The following AGXT variants were observed in gnomAD, a reference collection of about 807,000 sequenced individuals.
AGXT encodes alanine--glyoxylate aminotransferase, also known as L-alanine: glyoxylate aminotransferase 1.
Under a neutral mutation model 46.9 loss-of-function variants are expected in AGXT, and 41 were observed. The observed-to-expected ratio is 0.88, with a 90% CI of 0.68 to 1.14. The LOEUF (loss-of-function observed/expected upper bound fraction) is 1.14. AGXT is among the 50% of genes most tolerant of loss of function. The probability of loss-of-function intolerance (pLI) is 0.00; values close to 1 mark genes in which losing one functional copy is unlikely to be tolerated. For synonymous variants in AGXT, 244 were observed against 227.9 expected (o/e 1.07, Z -0.64); for missense variants, 525 against 522.7 (o/e 1.00, Z -0.04).
At position 240,878,924 on chromosome 2, in the gene AGXT, C is replaced by T; in HGVS notation, c.*103C>T. The T allele has an allele frequency of 8.0e-7, 1 of 1,251,628 alleles. No individual in the cohort carries two copies. The highest frequency in any genetic ancestry group is 1.3e-5 in the South Asian group (1 of 78,054). 77.5% of individuals were successfully genotyped at this position (1,251,628 alleles called of 1,614,324 possible). A position where few individuals can be genotyped will look rare whatever the true frequency, so the allele number is the denominator to read the frequency against. On this transcript the variant is annotated 3_prime_UTR_variant, in exon 11 of 11. Transcript: ENST00000307503. ...CTGCAAGGTCCTCCAGGCCTGGGGACAGGAAAGCCACTGACCCAGCCCGGG... is the reference window on the plus strand; with the variant it reads ...CTGCAAGGTCCTCCAGGCCTGGGGATAGGAAAGCCACTGACCCAGCCCGGG...
At chr2:240,875,866 C>A in intron 7 of AGXT, 69 bp from the exon 8 acceptor site, 1 of 1,492,664 alleles carries the variant, frequency 6.7e-7, no homozygotes, top group Non-Finnish European at 9.3e-7. Flanking sequence ...CTGGGGCAGA[C>A]AGAGCTAATG....
chr2:240,871,055 A>C, intron 3 of AGXT: 1 of 580,344 alleles, frequency 1.7e-6, no homozygotes, highest in Non-Finnish European at 3.1e-6. Flanking sequence ...GGCTGAAGTC[A>C]ACCTCAGCCT....
chr2:240,873,378 C>G (rs11691745), intron 5 of AGXT: 344,589 of 349,918 alleles, frequency 0.98, 169,729 homozygotes, highest in East Asian at 1. Context: ...AGGCGTTGGG[C>G]ACCCCTCTGC....
intron 3 of AGXT, 104 bp from the exon 4 acceptor site, chr2:240,871,245 C>A: frequency 1.0e-6 from 1 of 987,240 alleles, no homozygotes; most frequent in Non-Finnish European, 1.6e-6. Context: ...TAGAGGCAGG[C>A]CCAGCCCCTG....
intron 7 of AGXT, 102 bp downstream of exon 7, chr2:240,875,306 T>G: frequency 9.8e-7 from 1 of 1,022,840 alleles, no homozygotes; most frequent in Non-Finnish European, 1.5e-6. Flanking sequence ...GCCCCCCACC[T>G]TCATGCCTCA....
intron 8 of AGXT, among the ~76,000 whole-genome samples, chr2:240,876,430 T>C (rs2059025142): frequency 6.6e-6 from 1 of 152,154 alleles, no homozygotes; most frequent in African/African-American, 2.4e-5. Context: ...CACTTGGGTG[T>C]GACCAGGGGT....
intron 2 of AGXT, 135 bp from the exon 3 acceptor site, chr2:240,870,509 C>A: frequency 9.9e-7 from 1 of 1,010,756 alleles, no homozygotes; most frequent in Non-Finnish European, 1.5e-6. Context: ...CCCTCCTCTT[C>A]AGGCAGGCAG....
At position 240,868,981 on chromosome 2, in the gene AGXT, C is replaced by A. The variant is rs1305673661; in HGVS notation, c.116C>A (p.Ala39Glu). 1 of 1,549,662 alleles carries A rather than the reference C, an allele frequency of 6.5e-7. No homozygotes were observed. Among genetic ancestry groups the A allele is most frequent in the Non-Finnish European group, 8.8e-7 (1 of 1,141,864 alleles). The change falls in exon 1 of 11, where the codon GCA (alanine) becomes GAA (glutamate). Residue 39 changes from alanine to glutamate, a missense_variant. Physicochemically the swap from Ala to Glu is moderately radical, Grantham distance 107. Transcript: ENST00000307503. ...TCCAACCTGCCTCCTCGCATCATGG[C>A]AGCCGGGGGGCTGCAGATGATCGGG... ...GPSNLPPRIM[A>E]AGGLQMIGSM...
At chr2:240,872,919 G>A (rs2058999699) in intron 4 of AGXT, 60 bp from the exon 5 acceptor site, 1 of 1,446,070 alleles carries the variant, frequency 6.9e-7, no homozygotes, top group Non-Finnish European at 9.7e-7. Context: ...CCTGGGGCCA[G>A]GCCCTCCAGT....
At chr2:240,874,835 G>T (rs1432777396) in intron 6 of AGXT, among the ~76,000 whole-genome samples, 1 of 152,236 alleles carries the variant, frequency 6.6e-6, no homozygotes. Flanking sequence ...AGGGGCTGGG[G>T]GAGAGAAAGG....
chr2:240,877,292 C>A, intron 8 of AGXT: 1 of 675,430 alleles, frequency 1.5e-6, no homozygotes, highest in Non-Finnish European at 2.7e-6. Flanking sequence ...TCTTCTCCCC[C>A]AGGGGCCACA....
intron 5 of AGXT, 30 bp from the exon 6 acceptor site, chr2:240,873,948 A>ACCCGT: frequency 6.2e-7 from 1 of 1,604,734 alleles, no homozygotes; most frequent in Non-Finnish European, 8.5e-7. Context: ...GGTGGGACTC[A>ACCCGT]CCCGTCCCGA....
At chr2:240,874,603 C>T (rs1471157858) in intron 6 of AGXT, among the ~76,000 whole-genome samples, 2 of 152,156 alleles carry the variant, frequency 1.3e-5, no homozygotes, top group South Asian at 2.1e-4. Flanking sequence ...GTCAGGAATT[C>T]GGTGTTGGAC....
Position 240,875,131 on chromosome 2 carries a change from A to T in AGXT, c.703A>T (p.Thr235Ser). Residue 235 changes from threonine to serine, a missense_variant, in exon 7 of 11, where the codon ACG becomes TCG. Thr to Ser is a moderately conservative substitution (Grantham distance 58). Coordinates refer to ENST00000307503, the MANE Select transcript of AGXT (RefSeq NM_000030.3). The part of the protein sequence containing the change: ...KAKKKMYSRK[T>S]KPFSFYLDIK... ...CAGAAAGAAGATGTACTCCCGCAAGACGAAGCCCTTCTCCTTCTACCTGGA... is the reference window on the plus strand; with the variant it reads ...CAGAAAGAAGATGTACTCCCGCAAGTCGAAGCCCTTCTCCTTCTACCTGGA... The T allele has an allele frequency of 6.2e-7, 1 of 1,613,644 alleles. No homozygotes were observed. Among genetic ancestry groups the T allele is most frequent in the Non-Finnish European group, 8.5e-7 (1 of 1,179,562 alleles).
In AGXT at chr2:240,874,016, A is replaced by C; in HGVS notation, c.634A>C (p.Asn212His). Reference protein sequence around the residue: ...ILYSGSQKALNAPPGTSLISF... With the variant: ...ILYSGSQKALHAPPGTSLISF... ...GTACTCGGGCTCCCAGAAGGCCCTGAACGCCCCTCCAGGGACCTCGCTCAT... is the reference window on the plus strand; with the variant it reads ...GTACTCGGGCTCCCAGAAGGCCCTGCACGCCCCTCCAGGGACCTCGCTCAT... Residue 212 changes from asparagine (N) to histidine (H), a missense_variant, in exon 6 of 11, where the codon AAC (asparagine) becomes CAC (histidine). Transcript: ENST00000307503. 1 of 1,613,720 alleles carries C rather than the reference A, an allele frequency of 6.2e-7. No homozygotes were observed. The highest frequency in any genetic ancestry group is 1.1e-5 in the South Asian group (1 of 91,082).
chr2:240,877,479 C>CG (rs1039557014), intron 8 of AGXT, 58 bp from the exon 9 acceptor site: 1 of 1,441,502 alleles, frequency 6.9e-7, no homozygotes, highest in African/African-American at 1.4e-5. Flanking sequence ...CCACAGAGGG[C>CG]GGGGCTTCCT....
At chr2:240,869,639 G>T (rs987180681) in intron 2 of AGXT, among the ~76,000 whole-genome samples, 2 of 152,186 alleles carry the variant, frequency 1.3e-5, no homozygotes, top group African/African-American at 4.8e-5. Context: ...GAACTACAGG[G>T]AAGCCTCTGG....
chr2:240,869,313 G>T lies in AGXT; in HGVS notation c.309G>T (p.Gly103=), dbSNP rs145419586. Residue 103 remains glycine (G), a synonymous_variant, in exon 2 of 11, where the codon GGG becomes GGT. Transcript: ENST00000307503. ...VLEPGDSFLV[G]ANGIWGQRAV... ...AGCCTGGGGACTCCTTCCTGGTTGG[G>T]GCCAATGGCATTTGGGGGCAGCGAG... 6.2e-7 allele frequency: 1 copy of T among 1,611,624 alleles called. No homozygotes were observed. The highest frequency in any genetic ancestry group is 1.7e-5 in the Admixed American group (1 of 59,978).
At chr2:240,872,797 C>T (rs1022398817) in intron 4 of AGXT, among the ~76,000 whole-genome samples, 182 bp from the exon 5 acceptor site, 3 of 152,144 alleles carry the variant, frequency 2.0e-5, no homozygotes, top group Admixed American at 6.5e-5. Flanking sequence ...GGAAGAGCCA[C>T]AGGTCCTGAT....
Sources: gnomAD v4.1 joint callset for allele counts (sites outside exome capture counted in the v4.1 genomes callset) on GRCh38, gnomAD v4.1.1 for gene constraint, MANE v1.5 for transcripts, NCBI Gene and HGNC (gene_info 2026-07-23, HGNC 2026-07-21) for gene names.